Variants in CORO7 observed in about 807,000 individuals in gnomAD.
CORO7 encodes the protein coronin 7.
A neutral mutation model predicts 126.6 loss-of-function variants in CORO7; 107 were observed. The ratio of observed to expected loss-of-function variants is 0.85; its 90% CI spans 0.72 to 0.99. The LOEUF (loss-of-function observed/expected upper bound fraction) is 0.99. CORO7 is among the 50% of genes least tolerant of loss of function. The pLI is 0.00. For synonymous variants in CORO7, 603 were observed against 536.8 expected (o/e 1.12, Z -1.70); for missense variants, 1,314 against 1,255.8 (o/e 1.05, Z -0.70).
chr16:4,376,231 C>T (rs1339140126), intron 9 of CORO7, among the ~76,000 whole-genome samples: 1 of 152,192 alleles, frequency 6.6e-6, no homozygotes, highest in Non-Finnish European at 1.5e-5. Context: ...GGAGACGGGG[C>T]GGACCCAGCC....
intron 24 of CORO7, 41 bp downstream of exon 24, chr16:4,358,326 A>G: frequency 6.2e-7 from 1 of 1,601,886 alleles, no homozygotes; most frequent in Non-Finnish European, 8.5e-7. Flanking sequence ...CTAGGCACCG[A>G]GAAGGCGGTG....
rs1340480303 is a variant in CORO7 at position 4,364,774 on chromosome 16, C to G, written c.1044+1G>C. On this transcript the variant is annotated splice_donor_variant, in intron 12 of 27. Coordinates refer to ENST00000251166, the MANE Select transcript of CORO7 (RefSeq NM_024535.5). LOFTEE classifies it high-confidence loss of function. ...CAGTCCCTCGCCCAAGTCCCCCTCA[C>G]CTTGCGGGGCACATGGTAGCCGATG... is the stretch of plus-strand genomic sequence containing the variant. 11 of 1,610,004 alleles carry G rather than the reference C, an allele frequency of 6.8e-6. No individual in the cohort carries two copies. Among genetic ancestry groups the G allele is most frequent in the Non-Finnish European group, 9.3e-6 (11 of 1,178,684 alleles).
intron 4 of CORO7, among the ~76,000 whole-genome samples, chr16:4,407,892 G>C (rs1358285820): frequency 1.3e-5 from 2 of 152,224 alleles, no homozygotes; most frequent in African/African-American, 2.4e-5. Context: ...GGGAATCTCA[G>C]CTCCTAGACC....
intron 9 of CORO7, chr16:4,381,408 C>A (rs1195610895): frequency 6.3e-7 from 1 of 1,586,124 alleles, no homozygotes; most frequent in Non-Finnish European, 8.6e-7. Context: ...TGGACCTCAG[C>A]CACAACAGCC....
At chr16:4,374,625 C>G (rs1051155111) in intron 9 of CORO7, among the ~76,000 whole-genome samples, 1 of 152,004 alleles carries the variant, frequency 6.6e-6, no homozygotes, top group African/African-American at 2.4e-5. Flanking sequence ...GAGAGCAGTG[C>G]GGGGGCAGGG....
chr16:4,381,990 G>A (rs760596202), intron 9 of CORO7: 6 of 1,607,342 alleles, frequency 3.7e-6, no homozygotes, highest in Non-Finnish European at 3.4e-6. Context: ...CCACAGCCTT[G>A]TCTTCTAGCT....
intron 23 of CORO7, chr16:4,358,739 G>A: frequency 2.4e-6 from 1 of 414,232 alleles, no homozygotes. Context: ...CCCTGAATGT[G>A]GTGTTGGGAA....
At chr16:4,401,630 C>G (rs919158549) in intron 6 of CORO7, among the ~76,000 whole-genome samples, 4 of 152,126 alleles carry the variant, frequency 2.6e-5, no homozygotes, top group Non-Finnish European at 4.4e-5. Flanking sequence ...TGAGAGAGGA[C>G]AGAGTGGGAC....
intron 16 of CORO7, 78 bp downstream of exon 16, chr16:4,361,907 T>C: frequency 2.6e-6 from 4 of 1,539,838 alleles, no homozygotes; most frequent in Non-Finnish European, 2.6e-6. Flanking sequence ...CCCTGTGTTG[T>C]GTGGGTAGCT....
intron 7 of CORO7, among the ~76,000 whole-genome samples, chr16:4,393,331 G>A (rs548317806): frequency 3.9e-5 from 6 of 152,254 alleles, no homozygotes; most frequent in South Asian, 2.1e-4. Flanking sequence ...TGAGGATACC[G>A]TACACACCCA....
At chr16:4,389,647 G>A (rs1166730367) in intron 7 of CORO7, among the ~76,000 whole-genome samples, 1 of 152,204 alleles carries the variant, frequency 6.6e-6, no homozygotes, top group African/African-American at 2.4e-5. Flanking sequence ...GGCCGGCACA[G>A]GAAGTTGGGG....
In CORO7 at chr16:4,380,724, G is replaced by A. The variant is rs898820169; in HGVS notation, c.785+7262C>T. The A allele has an allele frequency of 4.3e-5, 38 of 880,048 alleles. No homozygotes were observed. The Middle Eastern group carries it at 1.1e-3, about 25-fold the overall frequency. 54.5% of individuals were successfully genotyped at this position (880,048 alleles called of 1,614,324 possible). ...CGGGGCTGGGACAGAACCTGGGTCGGGGCACTGGCGACCTGACTCATAACC... is the reference window on the plus strand; with the variant it reads ...CGGGGCTGGGACAGAACCTGGGTCGAGGCACTGGCGACCTGACTCATAACC... On this transcript the variant is annotated intron_variant, in intron 9 of 27. Transcript: ENST00000251166.
In CORO7 at chr16:4,360,440, T is replaced by C. The variant is rs374692674; in HGVS notation, c.2022+4A>G. ...AGGCCACTCCCCAGCCCCTGTGTGC[T>C]CACCTGCAGGGGCTCAGGGCCACTC... On this transcript the variant is annotated splice_donor_region_variant and intron_variant, in intron 20 of 27. Transcript: ENST00000251166. 1 of 1,612,624 alleles carries C rather than the reference T, an allele frequency of 6.2e-7. No homozygotes were observed. Among genetic ancestry groups the C allele is most frequent in the South Asian group, 1.1e-5 (1 of 91,044 alleles).
Position 4,413,348 on chromosome 16 carries a change from T to C in CORO7, c.117A>G (p.Lys39=). ...GTAPSCRNHI[K]SSCSLIAFNS... The stretch of plus-strand genomic sequence containing the variant: ...TGAAGGCGATCAAGCTGCAGCTTGA[T>C]TTGATGTGGTTCCTGCATGAAGGGG... The change falls in exon 2 of 28, where the codon AAA becomes AAG. Residue 39 remains lysine, a synonymous_variant. Transcript: ENST00000251166. The C allele has an allele frequency of 1.3e-6, 2 of 1,586,678 alleles. No homozygotes were observed. Among genetic ancestry groups the C allele is most frequent in the Non-Finnish European group, 1.7e-6 (2 of 1,165,520 alleles).
intron 6 of CORO7, among the ~76,000 whole-genome samples, chr16:4,399,569 T>C (rs2055726726): frequency 6.6e-6 from 1 of 152,196 alleles, no homozygotes; most frequent in African/African-American, 2.4e-5. Flanking sequence ...CTCAAATCTG[T>C]TTCACAACAG....
Position 4,362,666 on chromosome 16 carries a change from T to G in CORO7, c.1348A>C (p.Ser450Arg), listed in dbSNP as rs1013553810. 9 of 1,523,054 alleles carry G rather than the reference T, an allele frequency of 5.9e-6. No homozygotes were observed. The Admixed American group carries it at 6.6e-5, about 11-fold the overall frequency. 94.3% of individuals were successfully genotyped at this position (1,523,054 alleles called of 1,614,324 possible). A position where few individuals can be genotyped will look rare whatever the true frequency, so the allele number is the denominator to read the frequency against. ...TPSSLGPSLS[S>R]TSGIGTSPSL... ...GGGCTGGTCCCGATGCCACTGGTGC[T>G]GGAGAGTGAGGGCCCCAGGCTGGAG... The change falls in exon 15 of 28, where the codon AGC becomes CGC. Residue 450 changes from serine to arginine, a missense_variant. Physicochemically the swap from Ser to Arg is moderately radical, Grantham distance 110. Transcript: ENST00000251166. The surrounding 1 kb of genome is among the most constrained non-coding windows in gnomAD (Gnocchi z 5.3).
intron 2 of CORO7, chr16:4,412,901 T>A (rs2056266515): frequency 4.4e-6 from 1 of 226,084 alleles, no homozygotes; most frequent in South Asian, 9.7e-5. Flanking sequence ...TTAAGCCAGC[T>A]TGAGGGTCTG....
At chr16:4,378,207 C>G (rs888296484) in intron 9 of CORO7, among the ~76,000 whole-genome samples, 3 of 152,270 alleles carry the variant, frequency 2.0e-5, no homozygotes. Flanking sequence ...ATGAAGAAAC[C>G]GAGGTGTGAG....
Position 4,362,905 on chromosome 16 carries a change from A to G in CORO7, c.1276-167T>C. 2.5e-6 allele frequency: 2 copies of G among 790,674 alleles called. No individual in the cohort carries two copies. Among genetic ancestry groups the G allele is most frequent in the Non-Finnish European group, 1.7e-6 (1 of 582,870 alleles). 49.0% of individuals were successfully genotyped at this position (790,674 alleles called of 1,614,324 possible). A position where few individuals can be genotyped will look rare whatever the true frequency, so the allele number is the denominator to read the frequency against. ...GGGGGGCACGGGCATAAACGCAGACACACAGGGAAGCAGCCGAGCTTCAGA... is the reference window on the plus strand; with the variant it reads ...GGGGGGCACGGGCATAAACGCAGACGCACAGGGAAGCAGCCGAGCTTCAGA... On this transcript the variant is annotated intron_variant, in intron 14 of 27. Coordinates refer to ENST00000251166, the MANE Select transcript of CORO7 (RefSeq NM_024535.5). The surrounding 1 kb of genome is among the most constrained non-coding windows in gnomAD (Gnocchi z 5.3).
Sources: allele counts gnomAD v4.1 joint callset (sites outside exome capture counted in the v4.1 genomes callset), GRCh38; gene constraint gnomAD v4.1.1; non-coding constraint Gnocchi (gnomAD v3.1); transcripts MANE v1.5; gene names NCBI Gene and HGNC (gene_info 2026-07-23, HGNC 2026-07-21).